PLCG2: variants seen among roughly 807,000 people sequenced by gnomAD.
The protein encoded by PLCG2 is phospholipase C gamma 2.
Under a neutral mutation model 175.6 loss-of-function variants are expected in PLCG2, and 69 were observed. The observed-to-expected ratio is 0.39, with a 90% CI of 0.32 to 0.48. The LOEUF (loss-of-function observed/expected upper bound fraction) is 0.48. Ranked by LOEUF, PLCG2 falls within the 20% of genes least tolerant of loss-of-function variation. The pLI, the probability that PLCG2 is intolerant of heterozygous loss-of-function variation, is 0.91. For synonymous variants in PLCG2, 827 were observed against 624.0 expected (o/e 1.33, Z -4.85); for missense variants, 1,798 against 1,650.9 (o/e 1.09, Z -1.54).
rs181392668 is a variant in PLCG2, at chr16:81,857,974, A to T, written c.338-289A>T. 4 of 405,574 alleles carry T rather than the reference A, an allele frequency of 9.9e-6. No individual in the cohort carries two copies. In the East Asian group the frequency reaches 1.5e-4, roughly 15 times the overall value. 25.1% of individuals were successfully genotyped at this position (405,574 alleles called of 1,614,324 possible). ...AAATGATGTTAACAATGTCATAGTG[A>T]TAGTTCCCACCACTCCCTCCATTCT... is the stretch of plus-strand genomic sequence containing the variant. On this transcript the variant is annotated intron_variant, in intron 3 of 32. Transcript: ENST00000564138.
At chr16:81,770,015 C>T (rs1910243563) in intron 2 of PLCG2, among the ~76,000 whole-genome samples, 1 of 152,114 alleles carries the variant, frequency 6.6e-6, no homozygotes, top group Admixed American at 6.6e-5. Context: ...GCACGAAGGG[C>T]CCTGATGCAA....
At chr16:81,838,127 A>G (rs908496317) in intron 2 of PLCG2, among the ~76,000 whole-genome samples, 5 of 150,912 alleles carry the variant, frequency 3.3e-5, no homozygotes, top group Admixed American at 6.6e-5. Context: ...TGCCCAGGCT[A>G]GAGTGCACTG....
intron 1 of PLCG2, among the ~76,000 whole-genome samples, chr16:81,785,023 C>G (rs554818064): frequency 6.6e-6 from 1 of 152,120 alleles, no homozygotes; most frequent in Non-Finnish European, 1.5e-5. Context: ...GGCTCTGCAT[C>G]TGAGAATTGA....
chr16:81,788,312 G>A (rs1911074224), intron 2 of PLCG2, among the ~76,000 whole-genome samples: 1 of 152,058 alleles, frequency 6.6e-6, no homozygotes, highest in Non-Finnish European at 1.5e-5. Context: ...ACAGAGTCTC[G>A]CTCTGTTGCC....
chr16:81,850,636 G>C (rs556951657), intron 2 of PLCG2, among the ~76,000 whole-genome samples: 3 of 152,174 alleles, frequency 2.0e-5, no homozygotes, highest in African/African-American at 7.2e-5. Flanking sequence ...CTGGCTCCCC[G>C]AAGACAGTCA....
chr16:81,946,121 T>A, intron 30 of PLCG2, 54 bp from the exon 31 acceptor site: 2 of 1,410,992 alleles, frequency 1.4e-6, no homozygotes, highest in South Asian at 2.3e-5. Context: ...AAAAAAAATC[T>A]AAGGTCTGAC....
chr16:81,775,664 G>A (rs1019299537), upstream of PLCG2, among the ~76,000 whole-genome samples: 3 of 152,216 alleles, frequency 2.0e-5, no homozygotes, highest in Non-Finnish European at 2.9e-5. Context: ...ATAGGGAAAA[G>A]CATTTGTATG....
chr16:81,800,955 A>C (rs1911692235), intron 2 of PLCG2, among the ~76,000 whole-genome samples: 1 of 152,142 alleles, frequency 6.6e-6, no homozygotes, highest in African/African-American at 2.4e-5. Flanking sequence ...AGATGGAGGA[A>C]GGGGCCATGA....
intron 1 of PLCG2, among the ~76,000 whole-genome samples, chr16:81,740,107 C>A (rs1909553731): frequency 7.9e-6 from 1 of 126,212 alleles, no homozygotes; most frequent in Admixed American, 9.9e-5. Context: ...CAGTGCATAC[C>A]AGCCTGGGTA....
At chr16:81,751,508 A>C (rs1369522518) in intron 1 of PLCG2, among the ~76,000 whole-genome samples, 1 of 152,166 alleles carries the variant, frequency 6.6e-6, no homozygotes, top group African/African-American at 2.4e-5. Flanking sequence ...AAGCATACAA[A>C]ATCTCAGATA....
intron 26 of PLCG2, 161 bp from the exon 27 acceptor site, chr16:81,936,008 A>G: frequency 1.0e-6 from 1 of 985,404 alleles, no homozygotes; most frequent in Non-Finnish European, 1.2e-6. Flanking sequence ...AAGAGTCCAC[A>G]GTGATACCAA....
intron 21 of PLCG2, among the ~76,000 whole-genome samples, chr16:81,922,502 T>G (rs1910100867): frequency 6.6e-6 from 1 of 152,262 alleles, no homozygotes; most frequent in Admixed American, 6.5e-5. Flanking sequence ...ATTATACACA[T>G]GATCTCATTT....
At chr16:81,940,136 T>A (rs1910879491) in intron 30 of PLCG2, 77 bp downstream of exon 30, 2 of 1,290,218 alleles carry the variant, frequency 1.6e-6, no homozygotes, top group Non-Finnish European at 2.2e-6. Context: ...TCAAAAAGAA[T>A]GAAAAATGAT....
intron 2 of PLCG2, among the ~76,000 whole-genome samples, chr16:81,817,790 ATTCT>A (rs1383936917): frequency 6.6e-6 from 1 of 152,222 alleles, no homozygotes; most frequent in Non-Finnish European, 1.5e-5. Flanking sequence ...CTCGGTTGTG[ATTCT>A]TTCACTTAAC....
At chr16:81,862,887 A>G (rs1291542452) in intron 5 of PLCG2, among the ~76,000 whole-genome samples, 2 of 152,202 alleles carry the variant, frequency 1.3e-5, no homozygotes, top group Non-Finnish European at 2.9e-5. Context: ...CAAAAACAAA[A>G]CAAAACAAAA....
At chr16:81,880,983 C>T (rs757558940) in intron 8 of PLCG2, 30 bp downstream of exon 8, 41 of 1,610,254 alleles carry the variant, frequency 2.5e-5, no homozygotes, top group East Asian at 4.5e-5. Flanking sequence ...TCGTTCGGGG[C>T]GGCTGTGCCG....
chr16:81,762,920 G>T (rs1439759787), intron 2 of PLCG2, among the ~76,000 whole-genome samples: 1 of 152,126 alleles, frequency 6.6e-6, no homozygotes, highest in African/African-American at 2.4e-5. Context: ...TAGCGGGAAT[G>T]GTAGCACATG....
At chr16:81,769,525 A>C (rs865810103) in intron 2 of PLCG2, among the ~76,000 whole-genome samples, 2 of 152,096 alleles carry the variant, frequency 1.3e-5, no homozygotes, top group South Asian at 4.1e-4. Context: ...GTCTTGAAAA[A>C]GACATGGGGC....
At position 81,936,259 on chromosome 16, in the gene PLCG2, A is replaced by G. The variant is rs766257223; in HGVS notation, c.2933A>G (p.Asn978Ser). 7.4e-6 allele frequency: 12 copies of G among 1,614,168 alleles called. No individual in the cohort carries two copies. Among genetic ancestry groups the G allele is most frequent in the East Asian group, 2.2e-5 (1 of 44,894 alleles). Residue 978 changes from asparagine (N) to serine (S), a missense_variant, in exon 27 of 33, where the codon AAT (asparagine) becomes AGT (serine). Asn to Ser is a conservative substitution (Grantham distance 46). Transcript: ENST00000564138. Reference sequence around the variant, plus strand: ...AAGCCCGTCGACCTCCTGAAGTACAATCAAAAGGGCCTGACCCGCGTCTAC... The same window carrying G: ...AAGCCCGTCGACCTCCTGAAGTACAGTCAAAAGGGCCTGACCCGCGTCTAC... Reference protein sequence around the residue: ...RQKPVDLLKYNQKGLTRVYPK... With the variant: ...RQKPVDLLKYSQKGLTRVYPK...
Sources: gnomAD v4.1 joint callset for allele counts (sites outside exome capture counted in the v4.1 genomes callset) on GRCh38, gnomAD v4.1.1 for gene constraint, MANE v1.5 for transcripts, NCBI Gene and HGNC (gene_info 2026-07-23, HGNC 2026-07-21) for gene names.